Variants in SNX6 observed in about 807,000 individuals in gnomAD.
The protein encoded by SNX6 is sorting nexin 6.
Under a neutral mutation model 63.0 loss-of-function variants are expected in SNX6, and 34 were observed. That is an observed-to-expected ratio of 0.54 (90% confidence interval 0.41 to 0.72). The LOEUF (loss-of-function observed/expected upper bound fraction) is 0.72, where lower values mean the gene tolerates loss of function less well. SNX6 is among the 30% of genes least tolerant of loss of function. The pLI is 0.00. For synonymous variants in SNX6, 170 were observed against 164.2 expected (o/e 1.04, Z -0.27); for missense variants, 398 against 471.4 (o/e 0.84, Z 1.44).
intron 11 of SNX6, among the ~76,000 whole-genome samples, chr14:34,571,289 C>T (rs181415689): frequency 9.9e-5 from 15 of 151,634 alleles, no homozygotes; most frequent in South Asian, 4.2e-4. Flanking sequence ...AAAAATTAGC[C>T]GGGCGTGGTG....
chr14:34,604,183 G>A, intron 5 of SNX6: 1 of 1,288,304 alleles, frequency 7.8e-7, no homozygotes, highest in Non-Finnish European at 1.0e-6. Flanking sequence ...CTCTGTGAGG[G>A]TAGTCATTCA....
At chr14:34,575,196 ATTTTTTTTTT>A (rs34881787) in intron 11 of SNX6, among the ~76,000 whole-genome samples, 1 of 111,030 alleles carries the variant, frequency 9.0e-6, no homozygotes, top group African/African-American at 3.2e-5. Flanking sequence ...CCTGGCCTCA[ATTTTTTTTTT>A]TTTTTTTTTG....
chr14:34,630,082 C>A (rs953903842), intron 1 of SNX6, 29 bp downstream of exon 1: 2 of 1,450,962 alleles, frequency 1.4e-6, no homozygotes, highest in Non-Finnish European at 1.8e-6. Flanking sequence ...ACCGCGCTCC[C>A]GGGACTCGGC....
chr14:34,594,713 A>C (rs1193914745), intron 7 of SNX6, among the ~76,000 whole-genome samples: 1 of 152,166 alleles, frequency 6.6e-6, no homozygotes, highest in Non-Finnish European at 1.5e-5. Flanking sequence ...CAATCATTAA[A>C]TGAAAAAGCA....
chr14:34,587,786 C>T (rs1282342541), intron 8 of SNX6, among the ~76,000 whole-genome samples: 1 of 148,176 alleles, frequency 6.7e-6, no homozygotes, highest in Non-Finnish European at 1.5e-5. Flanking sequence ...CACATGCCAC[C>T]ACGGTTGGCT....
At chr14:34,582,287 A>C (rs1881972631) in intron 9 of SNX6, among the ~76,000 whole-genome samples, 1 of 151,640 alleles carries the variant, frequency 6.6e-6, no homozygotes, top group South Asian at 2.1e-4. Context: ...AGCTGCCCCC[A>C]TGCCTGGCTA....
chr14:34,601,476 G>A (rs543764698), intron 6 of SNX6, among the ~76,000 whole-genome samples: 4 of 151,706 alleles, frequency 2.6e-5, no homozygotes, highest in Admixed American at 6.6e-5. Flanking sequence ...CGCCCACCTC[G>A]GCCTCCCAAA....
chr14:34,609,398 G>A (rs1004818137), intron 3 of SNX6, among the ~76,000 whole-genome samples: 2 of 147,026 alleles, frequency 1.4e-5, no homozygotes, highest in Non-Finnish European at 3.0e-5. Context: ...GGAGAATGGC[G>A]TGAACCCAGG....
rs182878648 is a variant in SNX6, at chr14:34,567,850, G to A, written c.1081+4C>T. The A allele has an allele frequency of 6.2e-7, 1 of 1,613,912 alleles. No individual in the cohort carries two copies. The highest frequency in any genetic ancestry group is 1.3e-5 in the African/African-American group (1 of 75,004). Reference sequence around the variant, plus strand: ...CTTGTGATTAAAGGTTAACGTAACAGTACCTTGTTTTGCAGACTCAGATAT... The same window carrying A: ...CTTGTGATTAAAGGTTAACGTAACAATACCTTGTTTTGCAGACTCAGATAT... On this transcript the variant is annotated splice_donor_region_variant and intron_variant, in intron 12 of 13. Transcript: ENST00000362031.
intron 6 of SNX6, among the ~76,000 whole-genome samples, chr14:34,599,687 T>C (rs1313207291): frequency 1.3e-5 from 2 of 149,816 alleles, no homozygotes; most frequent in African/African-American, 4.9e-5. Flanking sequence ...GGCTGGAGAA[T>C]CGCTTGCACC....
chr14:34,618,517 A>AT (rs1306539196), intron 2 of SNX6, among the ~76,000 whole-genome samples: 1 of 152,030 alleles, frequency 6.6e-6, no homozygotes, highest in Non-Finnish European at 1.5e-5. Flanking sequence ...TGCCCAGCTA[A>AT]TTTTTGTATT....
At chr14:34,592,036 T>C (rs1430740415) in intron 8 of SNX6, among the ~76,000 whole-genome samples, 1 of 152,200 alleles carries the variant, frequency 6.6e-6, no homozygotes, top group Non-Finnish European at 1.5e-5. Flanking sequence ...GGGTAGAGAT[T>C]ACAATCAATT....
Position 34,568,081 on chromosome 14 carries a change from C to G in SNX6, c.922-68G>C, listed in dbSNP as rs1404825719. On this transcript the variant is annotated intron_variant, in intron 11 of 13. Coordinates refer to ENST00000362031, the MANE Select transcript of SNX6 (RefSeq NM_152233.4). ...TTCCAGTAGTCACACCCAGCCACCA[C>G]TGTCACCACCACCACAACCATCAGA... is the stretch of plus-strand genomic sequence containing the variant. The G allele has an allele frequency of 3.1e-6, 4 of 1,293,148 alleles. No individual in the cohort carries two copies. The East Asian group carries it at 9.3e-5, about 30-fold the overall frequency. The allele number at this position is 1,293,148 out of a possible 1,614,324, so 80.1% of individuals were successfully genotyped here. A position where few individuals can be genotyped will look rare whatever the true frequency, so the allele number is the denominator to read the frequency against.
intron 13 of SNX6, among the ~76,000 whole-genome samples, chr14:34,565,131 G>A (rs1425780366): frequency 1.4e-5 from 2 of 145,416 alleles, no homozygotes; most frequent in Non-Finnish European, 3.0e-5. Flanking sequence ...AGGCTGGACT[G>A]CAGTGGCATG....
intron 2 of SNX6, among the ~76,000 whole-genome samples, chr14:34,616,994 A>T (rs546846428): frequency 6.6e-6 from 1 of 152,212 alleles, no homozygotes; most frequent in Non-Finnish European, 1.5e-5. Flanking sequence ...AGGCAGGAGA[A>T]TTGCTTGAAT....
chr14:34,603,087 C>A (rs1446233026), intron 6 of SNX6, among the ~76,000 whole-genome samples: 1 of 151,070 alleles, frequency 6.6e-6, no homozygotes, highest in Admixed American at 6.6e-5. Context: ...ACCATTCTGG[C>A]TAACACGGTG....
chr14:34,568,634 GTTTTTT>G, intron 11 of SNX6: 1 of 625,080 alleles, frequency 1.6e-6, no homozygotes, highest in Non-Finnish European at 2.8e-6. Flanking sequence ...CACTCAGCCT[GTTTTTT>G]TTTTTTTTTT....
chr14:34,604,171 A>G, intron 5 of SNX6: 1 of 1,285,844 alleles, frequency 7.8e-7, no homozygotes, highest in Non-Finnish European at 1.0e-6. Context: ...GAGAAGTTTG[A>G]TCTCTGTGAG....
intron 10 of SNX6, among the ~76,000 whole-genome samples, chr14:34,576,920 A>G (rs931958174): frequency 2.0e-5 from 3 of 151,368 alleles, no homozygotes; most frequent in Non-Finnish European, 2.9e-5. Flanking sequence ...CGTCTCTACT[A>G]AAAATACAAA....
Sources: gnomAD v4.1 joint callset for allele counts (sites outside exome capture counted in the v4.1 genomes callset) on GRCh38, gnomAD v4.1.1 for gene constraint, MANE v1.5 for transcripts, NCBI Gene and HGNC (gene_info 2026-07-23, HGNC 2026-07-21) for gene names.